ZNF57: variants seen among roughly 807,000 people sequenced by gnomAD.
ZNF57 encodes the protein zinc finger protein 57.
In ZNF57, 11 loss-of-function variants were observed where a neutral mutation model predicts 13.4. The observed-to-expected ratio is 0.82, with a 90% CI of 0.52 to 1.36. ZNF57 has a LOEUF of 1.36. Ranked by LOEUF, ZNF57 falls within the 40% of genes most tolerant of loss-of-function variation. ZNF57 has a pLI of 0.00. For synonymous variants in ZNF57, 224 were observed against 238.5 expected, an observed-to-expected ratio of 0.94 and a Z score of 0.56; for missense variants, 696 against 667.5, an observed-to-expected ratio of 1.04 and a Z score of -0.47.
chr19:2,909,592 AT>A (rs2088116915), intron 1 of ZNF57, among the ~76,000 whole-genome samples: 1 of 37,378 alleles, frequency 2.7e-5, no homozygotes, highest in African/African-American at 5.8e-5. Flanking sequence ...TTTAATTTGC[AT>A]TTCCCTGATG....
chr19:2,901,109 C>G, intron 1 of ZNF57, 61 bp downstream of exon 1: 1 of 1,415,506 alleles, frequency 7.1e-7, no homozygotes. Flanking sequence ...CGGCTGGAAC[C>G]AGAGTCCGCC....
At position 2,918,183 on chromosome 19, in the gene ZNF57, AC is replaced by A; in HGVS notation, c.1564del (p.His522IlefsTer2). The A allele has an allele frequency of 6.2e-7, 1 of 1,614,192 alleles. No individual in the cohort carries two copies. The highest frequency in any genetic ancestry group is 1.1e-5 in the South Asian group (1 of 91,076). On this transcript the variant is annotated frameshift_variant, in exon 4 of 4. Coordinates refer to ENST00000306908, the MANE Select transcript of ZNF57 (RefSeq NM_173480.3). LOFTEE classifies it low-confidence loss of function (END_TRUNC). ...MSFKWHSSFR[N>X]HLRMHTGQKS... ...TTCAAGTGGCACTCCTCCTTCCGGA[AC>A]CATCTGAGGATGCACACAGGACAGA... is the stretch of plus-strand genomic sequence containing the variant.
At chr19:2,903,824 T>C (rs558943167) in intron 1 of ZNF57, among the ~76,000 whole-genome samples, 1 of 152,008 alleles carries the variant, frequency 6.6e-6, no homozygotes, top group East Asian at 2.0e-4. Flanking sequence ...CACGCCATTC[T>C]CCTGCCTCAG....
rs1165680749 is a variant in ZNF57 at position 2,917,657 on chromosome 19, A to T, written c.1036A>T (p.Thr346Ser). 1.2e-6 allele frequency: 2 copies of T among 1,614,050 alleles called. No individual in the cohort carries two copies. Among genetic ancestry groups the T allele is most frequent in the Non-Finnish European group, 1.7e-6 (2 of 1,179,996 alleles). ...ATGTGAACACTGTGGGAAGGCTTTT[A>T]CCTCTTCCAGATCATTCCAAGGTCA... The part of the protein sequence containing the change: ...YKCEHCGKAF[T>S]SSRSFQGHLR... Residue 346 changes from threonine (T) to serine (S), a missense_variant, in exon 4 of 4, where the codon ACC (threonine) becomes TCC (serine). Transcript: ENST00000306908.
At chr19:2,912,035 T>C (rs943622151) in intron 1 of ZNF57, 2 of 152,220 alleles carry the variant, frequency 1.3e-5, no homozygotes, top group Non-Finnish European at 2.9e-5. Flanking sequence ...CCAGACGCAA[T>C]GTACTGGGTG....
intron 1 of ZNF57, among the ~76,000 whole-genome samples, chr19:2,901,577 G>A (rs893904846): frequency 1.3e-5 from 2 of 152,010 alleles, no homozygotes; most frequent in Non-Finnish European, 2.9e-5. Context: ...CTGGAGTGCA[G>A]TGGCGTGATC....
intron 3 of ZNF57, 82 bp downstream of exon 3, chr19:2,916,331 C>A: frequency 3.9e-6 from 5 of 1,267,890 alleles, no homozygotes; most frequent in Admixed American, 3.1e-5. Context: ...AGCATTGCTC[C>A]AAATTTGTTT....
intron 1 of ZNF57, among the ~76,000 whole-genome samples, chr19:2,913,772 C>A (rs1160798024): frequency 6.6e-6 from 1 of 152,086 alleles, no homozygotes; most frequent in Non-Finnish European, 1.5e-5. Flanking sequence ...TCCCAAGTAG[C>A]TGGGAATCCA....
intron 1 of ZNF57, among the ~76,000 whole-genome samples, chr19:2,913,524 C>T (rs2088159725): frequency 6.6e-6 from 1 of 152,034 alleles, no homozygotes. Flanking sequence ...CGAAGTATTT[C>T]CCTTTTGATT....
At chr19:2,909,317 G>T (rs544966998) in intron 1 of ZNF57, among the ~76,000 whole-genome samples, 1,142 of 67,934 alleles carry the variant, frequency 0.017, 31 homozygotes, top group African/African-American at 0.057. Context: ...GTCTCGCTCT[G>T]TCGCCCAGGC....
At chr19:2,916,440 C>T (rs532408447) in intron 3 of ZNF57, 191 bp downstream of exon 3, 119 of 510,198 alleles carry the variant, frequency 2.3e-4, no homozygotes, top group Non-Finnish European at 3.3e-4. Flanking sequence ...GGGCCGGGCG[C>T]GATGGCTCAC....
At chr19:2,916,853 T>A in intron 3 of ZNF57, 71 bp from the exon 4 acceptor site, 2 of 1,290,498 alleles carry the variant, frequency 1.5e-6, no homozygotes, top group Non-Finnish European at 2.1e-6. Flanking sequence ...TTATTTCTAA[T>A]ACTTGTTAAT....
Position 2,906,121 on chromosome 19 carries a change from A to G in ZNF57, c.3+5073A>G, listed in dbSNP as rs2088073393. On this transcript the variant is annotated intron_variant, in intron 1 of 3. Coordinates refer to ENST00000306908, the MANE Select transcript of ZNF57 (RefSeq NM_173480.3). ...CAGGCTGGAGTGCAGTGATGCAATCATGGCTCACTGCAGCCTCAAACTCCT... is the reference window on the plus strand; with the variant it reads ...CAGGCTGGAGTGCAGTGATGCAATCGTGGCTCACTGCAGCCTCAAACTCCT... Among the ~76,000 whole-genome samples the G allele has an allele frequency of 2.6e-5, 4 of 152,260 alleles. No individual in the cohort carries two copies. The South Asian group carries it at 8.3e-4, about 32-fold the overall frequency.
At position 2,917,243 on chromosome 19, in the gene ZNF57, C is replaced by T. The variant is rs117830102; in HGVS notation, c.622C>T (p.Pro208Ser). ...CQACGQTFQH[P>S]RYLSHHVKTH... ...AGCATGTGGGCAAACTTTCCAACAT[C>T]CTCGTTACCTCTCCCACCACGTAAA... Residue 208 changes from proline (P) to serine (S), a missense_variant, in exon 4 of 4, where the codon CCT becomes TCT. Coordinates refer to ENST00000306908, the MANE Select transcript of ZNF57 (RefSeq NM_173480.3). 265 of 1,614,204 alleles carry T rather than the reference C, an allele frequency of 1.6e-4. No homozygotes were observed. In the East Asian group the frequency reaches 4.5e-3, roughly 28 times the overall value.
intron 2 of ZNF57, 122 bp downstream of exon 2, chr19:2,915,770 C>A: frequency 1.4e-6 from 2 of 1,438,160 alleles, no homozygotes; most frequent in Non-Finnish European, 1.9e-6. Context: ...CCACCATGGA[C>A]CTAGAATCTA....
chr19:2,913,459 A>G (rs561795685), intron 1 of ZNF57, among the ~76,000 whole-genome samples: 2 of 152,274 alleles, frequency 1.3e-5, no homozygotes, highest in East Asian at 3.9e-4. Flanking sequence ...ATTTATAGCT[A>G]TTAACTTCCT....
At chr19:2,908,504 A>C (rs1469865205) in intron 1 of ZNF57, among the ~76,000 whole-genome samples, 2 of 119,484 alleles carry the variant, frequency 1.7e-5, no homozygotes, top group Non-Finnish European at 3.2e-5. Context: ...TCTGTCGCCC[A>C]GGCTGGAGTG....
rs758018065 is a variant in ZNF57 at position 2,917,388 on chromosome 19, A to G, written c.767A>G (p.Glu256Gly). ...HTKDRPYKCQ[E>G]CGRAFIYPST... is the part of the protein sequence containing the mutation. ...AAAGACAGGCCATATAAATGTCAGGAATGTGGGAGAGCCTTCATTTATCCC... is the reference window on the plus strand; with the variant it reads ...AAAGACAGGCCATATAAATGTCAGGGATGTGGGAGAGCCTTCATTTATCCC... The change falls in exon 4 of 4, where the codon GAA (glutamate) becomes GGA (glycine). Residue 256 changes from glutamate (E) to glycine (G), a missense_variant. By Grantham distance (98) the Glu-to-Gly change is moderately conservative (BLOSUM62 -2). Coordinates refer to ENST00000306908, the MANE Select transcript of ZNF57 (RefSeq NM_173480.3). 6.2e-7 allele frequency: 1 copy of G among 1,614,214 alleles called. No homozygotes were observed. Among genetic ancestry groups the G allele is most frequent in the South Asian group, 1.1e-5 (1 of 91,088 alleles).
chr19:2,904,446 A>ATCCCCTCACCTCAGCT (rs2088056096), intron 1 of ZNF57, among the ~76,000 whole-genome samples: 1 of 152,140 alleles, frequency 6.6e-6, no homozygotes. Context: ...GCTTTAAGTC[A>ATCCCCTCACCTCAGCT]TCCCCTCACC....
Sources: gnomAD v4.1 joint callset for allele counts (sites outside exome capture counted in the v4.1 genomes callset) on GRCh38, gnomAD v4.1.1 for gene constraint, MANE v1.5 for transcripts, NCBI Gene and HGNC (gene_info 2026-07-23, HGNC 2026-07-21) for gene names.